PPA1: variants seen among roughly 807,000 people sequenced by gnomAD.
PPA1 encodes inorganic pyrophosphatase 1, also known as inorganic pyrophosphatase.
Under a neutral mutation model 41.8 loss-of-function variants are expected in PPA1, and 23 were observed. The ratio of observed to expected loss-of-function variants is 0.55; its 90% confidence interval spans 0.40 to 0.78. The LOEUF is 0.78. PPA1 is among the 30% of genes least tolerant of loss of function. The probability of loss-of-function intolerance (pLI) is 0.00; values close to 1 mark genes in which losing one functional copy is unlikely to be tolerated. For missense variants in PPA1, 320 were observed against 361.6 expected (o/e 0.89, Z 0.93); for synonymous variants, 101 against 116.8 (o/e 0.86, Z 0.87).
intron 9 of PPA1, 164 bp from the exon 10 acceptor site, chr10:70,205,079 A>G (rs1373173133): frequency 8.8e-6 from 5 of 567,392 alleles, no homozygotes; most frequent in Non-Finnish European, 1.6e-5. Flanking sequence ...TCTACTGCTG[A>G]GATGCTAACA....
At chr10:70,209,362 G>T in intron 7 of PPA1, 72 bp from the exon 8 acceptor site, 2 of 1,362,128 alleles carry the variant, frequency 1.5e-6, no homozygotes, top group Non-Finnish European at 2.0e-6. Flanking sequence ...TTTCCCCAAA[G>T]CCTGATACTT....
At position 70,217,166 on chromosome 10, in the gene PPA1, A is replaced by T. The variant is rs192139931; in HGVS notation, c.297+646T>A. Among the ~76,000 whole-genome samples, 596 of 152,002 alleles carry T rather than the reference A, an allele frequency of 3.9e-3. 8 individuals are homozygous for T. The highest frequency in any genetic ancestry group is 0.014 in the African/African-American group (565 of 41,432). ...AAGCAAGACTCCATCTCAAAAAAAA[A>T]TTTTTTTAATTAAAAAAAAAAAAGG... On this transcript the variant is annotated intron_variant, in intron 4 of 10. Coordinates refer to ENST00000373232, the MANE Select transcript of PPA1 (RefSeq NM_021129.4).
intron 10 of PPA1, chr10:70,204,546 T>C (rs1041342856): frequency 4.6e-6 from 1 of 218,564 alleles, no homozygotes; most frequent in African/African-American, 2.3e-5. Context: ...GGGCAGGCGA[T>C]GGTCAAAGGG....
chr10:70,211,849 T>A (rs139769659), intron 6 of PPA1, among the ~76,000 whole-genome samples: 1 of 152,180 alleles, frequency 6.6e-6, no homozygotes, highest in Non-Finnish European at 1.5e-5. Context: ...TACTACCAAG[T>A]AGTGAACAGA....
In PPA1 at chr10:70,233,353, T is replaced by TGCC. The variant is rs1023182045; in HGVS notation, c.-29_-27dup. The TGCC allele has an allele frequency of 1.2e-5, 18 of 1,532,158 alleles. No individual in the cohort carries two copies. The highest frequency in any genetic ancestry group is 1.5e-5 in the Non-Finnish European group (17 of 1,141,852). The allele number at this position is 1,532,158 out of a possible 1,614,324, so 94.9% of individuals were successfully genotyped here. ...AGTGCCGGAGTCCTGCCGCCGCCGC[T>TGCC]GCCACAGAGCCACCAGCCCGCACGC... On this transcript the variant is annotated 5_prime_UTR_variant, in exon 1 of 11. Transcript: ENST00000373232.
intron 2 of PPA1, among the ~76,000 whole-genome samples, chr10:70,226,414 C>A (rs1219062048): frequency 6.6e-6 from 1 of 151,886 alleles, no homozygotes; most frequent in Non-Finnish European, 1.5e-5. Context: ...AAAAAATTAG[C>A]CAGGTACGGT....
intron 2 of PPA1, among the ~76,000 whole-genome samples, chr10:70,221,771 G>A (rs953440679): frequency 4.6e-5 from 7 of 152,104 alleles, no homozygotes; most frequent in African/African-American, 1.7e-4. Context: ...TGTTAATTTC[G>A]TTAAAACACC....
intron 4 of PPA1, among the ~76,000 whole-genome samples, chr10:70,216,263 A>T (rs748097646): frequency 2.2e-4 from 33 of 152,004 alleles, no homozygotes; most frequent in Admixed American, 3.9e-4. Flanking sequence ...CGAGGCAGGC[A>T]GATCACAAGG....
intron 4 of PPA1, 25 bp from the exon 5 acceptor site, chr10:70,214,611 C>A: frequency 6.5e-7 from 1 of 1,533,094 alleles, no homozygotes; most frequent in Non-Finnish European, 9.0e-7. Flanking sequence ...CAGTGTATAT[C>A]ATTCCTATAC....
At chr10:70,210,113 G>A (rs535462298) in intron 6 of PPA1, 139 of 286,744 alleles carry the variant, frequency 4.8e-4, no homozygotes, top group South Asian at 2.8e-3. Context: ...ACAAGGTCTC[G>A]CTCTGTCACC....
chr10:70,228,118 G>T (rs558826800), intron 2 of PPA1, among the ~76,000 whole-genome samples: 1 of 152,200 alleles, frequency 6.6e-6, no homozygotes, highest in East Asian at 1.9e-4. Flanking sequence ...AAAATCCAGA[G>T]TCATAAGAAC....
intron 8 of PPA1, among the ~76,000 whole-genome samples, chr10:70,208,794 CTTT>C (rs141989298): frequency 2.6e-4 from 33 of 126,622 alleles, no homozygotes; most frequent in Admixed American, 4.8e-4. Context: ...TTCTCGTACT[CTTT>C]TTTTTTTTTT....
intron 9 of PPA1, chr10:70,205,976 A>T (rs577409120): frequency 8.7e-6 from 3 of 345,172 alleles, no homozygotes; most frequent in Non-Finnish European, 1.6e-5. Flanking sequence ...ATGATGGGTC[A>T]TAGGCACACA....
chr10:70,216,506 CA>C (rs1840083784), intron 4 of PPA1, among the ~76,000 whole-genome samples: 2 of 150,532 alleles, frequency 1.3e-5, no homozygotes, highest in Non-Finnish European at 3.0e-5. Flanking sequence ...AAAAAAATTT[CA>C]ATTAAAGTAT....
At chr10:70,223,331 C>T (rs1840196681) in intron 2 of PPA1, among the ~76,000 whole-genome samples, 1 of 152,152 alleles carries the variant, frequency 6.6e-6, no homozygotes, top group Non-Finnish European at 1.5e-5. Context: ...CCTCCTGCCT[C>T]AGCCTCCTAA....
intron 7 of PPA1, 105 bp from the exon 8 acceptor site, chr10:70,209,395 T>C: frequency 7.7e-7 from 1 of 1,300,756 alleles, no homozygotes; most frequent in Non-Finnish European, 1.1e-6. Flanking sequence ...ATCATTTCCT[T>C]ATTCTAAAAA....
At chr10:70,214,973 T>TCACC (rs1840062582) in intron 4 of PPA1, among the ~76,000 whole-genome samples, 1 of 152,154 alleles carries the variant, frequency 6.6e-6, no homozygotes, top group South Asian at 2.1e-4. Context: ...GGAGAGTGGA[T>TCACC]CACCTGAGGT....
chr10:70,209,627 A>T lies in PPA1; in HGVS notation c.570T>A (p.Phe190Leu), dbSNP rs1454048689. 6.2e-7 allele frequency: 1 copy of T among 1,607,744 alleles called. No homozygotes were observed. The highest frequency in any genetic ancestry group is 8.5e-7 in the Non-Finnish European group (1 of 1,176,628). Residue 190 changes from phenylalanine (F) to leucine (L), a missense_variant, in exon 7 of 11, where the codon TTT becomes TTA. Physicochemically the swap from Phe to Leu is conservative, Grantham distance 22. Transcript: ENST00000373232. ...PGYLEATVDW[F>L]RRYKVPDGKP... ...TTCCATCAGGAACCTTATACCTTCT[A>T]AACCAGTCCACAGTAGCTTCTAAGT... is the stretch of plus-strand genomic sequence containing the variant.
intron 2 of PPA1, among the ~76,000 whole-genome samples, chr10:70,221,435 A>T (rs1294185593): frequency 6.6e-6 from 1 of 152,070 alleles, no homozygotes; most frequent in Admixed American, 6.6e-5. Context: ...CATAAAAACC[A>T]AAAGAATGGA....
Sources: gnomAD v4.1 joint callset for allele counts (sites outside exome capture counted in the v4.1 genomes callset) on GRCh38, gnomAD v4.1.1 for gene constraint, MANE v1.5 for transcripts, NCBI Gene and HGNC (gene_info 2026-07-23, HGNC 2026-07-21) for gene names.